Variants in SNTG2 observed in about 807,000 individuals in gnomAD.
The protein encoded by SNTG2 is gamma-2-syntrophin.
Under a neutral mutation model 70.9 loss-of-function variants are expected in SNTG2, and 74 were observed. The ratio of observed to expected loss-of-function variants is 1.04; its 90% CI spans 0.86 to 1.27. SNTG2 has a LOEUF of 1.27. Ranked by LOEUF, SNTG2 falls within the 50% of genes most tolerant of loss-of-function variation. The probability of loss-of-function intolerance (pLI) is 0.00; values close to 1 mark genes in which losing one functional copy is unlikely to be tolerated. For synonymous variants in SNTG2, 278 were observed against 273.8 expected (o/e 1.02, Z -0.15); for missense variants, 717 against 690.7 (o/e 1.04, Z -0.43).
At chr2:954,082 A>T (rs73908613) in intron 1 of SNTG2, among the ~76,000 whole-genome samples, 7 of 152,092 alleles carry the variant, frequency 4.6e-5, no homozygotes, top group African/African-American at 4.8e-5. Flanking sequence ...CTGTTAGCTC[A>T]TGTAGCATGT....
At chr2:1,328,003 GA>G (rs1681825662) in intron 16 of SNTG2, among the ~76,000 whole-genome samples, 1 of 152,168 alleles carries the variant, frequency 6.6e-6, no homozygotes, top group Non-Finnish European at 1.5e-5. Flanking sequence ...GAGGCCTCAG[GA>G]AACTTTTACT....
rs1681089905 is a variant in SNTG2 at position 1,313,112 on chromosome 2, T to C, written c.1378-3153T>C. Among the ~76,000 whole-genome samples the C allele has an allele frequency of 2.0e-5, 3 of 152,172 alleles. No individual in the cohort carries two copies. The South Asian group carries it at 6.2e-4, about 32-fold the overall frequency. On this transcript the variant is annotated intron_variant, in intron 15 of 16. Transcript: ENST00000308624. ...CAATCAGACTGTGTTGCAGAGGAAG[T>C]ATTACCTTCCATTGTCAGTATATTA...
intron 6 of SNTG2, chr2:1,163,406 G>A (rs1052319109): frequency 6.6e-6 from 1 of 150,638 alleles, no homozygotes; most frequent in African/African-American, 2.5e-5. Context: ...GTAGGAAGCG[G>A]GCCTGTGAAG....
chr2:1,236,850 A>G (rs866172764), intron 9 of SNTG2, among the ~76,000 whole-genome samples: 1 of 152,200 alleles, frequency 6.6e-6, no homozygotes, highest in African/African-American at 2.4e-5. Flanking sequence ...TTTTTAAAAA[A>G]ATATGTTTGC....
intron 6 of SNTG2, among the ~76,000 whole-genome samples, chr2:1,154,336 C>T (rs1304082324): frequency 6.6e-6 from 1 of 152,200 alleles, no homozygotes; most frequent in Non-Finnish European, 1.5e-5. Flanking sequence ...GCCTGTCCTT[C>T]CAGTTTTAAG....
chr2:1,282,337 T>A (rs1483508176), intron 14 of SNTG2, among the ~76,000 whole-genome samples: 3 of 152,248 alleles, frequency 2.0e-5, no homozygotes, highest in African/African-American at 4.8e-5. Flanking sequence ...CATTGTCTTG[T>A]GAGCCCTTAG....
intron 1 of SNTG2, among the ~76,000 whole-genome samples, chr2:953,672 C>T (rs1237444033): frequency 6.6e-6 from 1 of 152,198 alleles, no homozygotes; most frequent in Non-Finnish European, 1.5e-5. Flanking sequence ...CCATGCATTA[C>T]AAAGCAGGCA....
At chr2:1,180,763 G>A (rs1188689560) in intron 8 of SNTG2, among the ~76,000 whole-genome samples, 5 of 151,728 alleles carry the variant, frequency 3.3e-5, no homozygotes, top group Non-Finnish European at 4.4e-5. Flanking sequence ...AAAGACACAT[G>A]CACACGTATG....
At chr2:1,118,444 G>T (rs1667175691) in intron 4 of SNTG2, among the ~76,000 whole-genome samples, 2 of 152,142 alleles carry the variant, frequency 1.3e-5, no homozygotes, top group South Asian at 4.2e-4. Context: ...TGAAGAACCT[G>T]CACAGAGACT....
chr2:1,051,064 AC>A, intron 1 of SNTG2, among the ~76,000 whole-genome samples: 1 of 152,172 alleles, frequency 6.6e-6, no homozygotes, highest in East Asian at 1.9e-4. Context: ...ATGCGTAGAT[AC>A]TTTTGGATTA....
chr2:1,223,257 AGTGGTG>A (rs1675466326), intron 9 of SNTG2, among the ~76,000 whole-genome samples: 1 of 100,476 alleles, frequency 1.0e-5, no homozygotes. Flanking sequence ...TGTAGAGGAA[AGTGGTG>A]CAGTGATGGA....
intron 12 of SNTG2, among the ~76,000 whole-genome samples, chr2:1,254,191 C>T (rs370376384): frequency 4.6e-5 from 7 of 152,264 alleles, no homozygotes; most frequent in African/African-American, 1.4e-4. Flanking sequence ...AAAGCAGGTC[C>T]GTGTTTCACA....
At chr2:1,165,830 T>C (rs1007747465) in intron 7 of SNTG2, among the ~76,000 whole-genome samples, 195 bp downstream of exon 7, 3 of 152,234 alleles carry the variant, frequency 2.0e-5, no homozygotes, top group South Asian at 2.1e-4. Context: ...TCCACGGGCT[T>C]TTTTGAAGGA....
chr2:1,174,794 G>C (rs6705048), intron 8 of SNTG2, among the ~76,000 whole-genome samples: 29,901 of 152,044 alleles, frequency 0.2, 3,321 homozygotes, highest in African/African-American at 0.32. Flanking sequence ...TTTGTTTACT[G>C]TTTCTATTTG....
At chr2:1,323,532 A>C (rs1332475765) in intron 16 of SNTG2, among the ~76,000 whole-genome samples, 9 of 111,844 alleles carry the variant, frequency 8.0e-5, no homozygotes, top group Non-Finnish European at 1.6e-4. Context: ...GGACATGGGT[A>C]ACAGTCACAT....
intron 1 of SNTG2, among the ~76,000 whole-genome samples, chr2:1,066,332 A>C (rs903569564): frequency 2.6e-5 from 4 of 152,124 alleles, no homozygotes; most frequent in African/African-American, 4.8e-5. Flanking sequence ...AACTCATTCA[A>C]CTTTTGAAGC....
At position 1,367,396 on chromosome 2, in the gene SNTG2, A is replaced by G. The variant is rs924459473; in HGVS notation, c.1542A>G (p.Ile514Met). Reference protein sequence around the residue: ...RAVLHCIHSFIAAKVASVDPG... With the variant: ...RAVLHCIHSFMAAKVASVDPG... ...TCCTGCACTGCATCCACTCCTTCAT[A>G]GCAGCCAAGGTGGCCTCCGTGGACC... The change falls in exon 17 of 17, where the codon ATA becomes ATG. Residue 514 changes from isoleucine to methionine, a missense_variant. By Grantham distance (10) the Ile-to-Met change is conservative. Coordinates refer to ENST00000308624, the MANE Select transcript of SNTG2 (RefSeq NM_018968.4). 1.6e-5 allele frequency: 25 copies of G among 1,551,646 alleles called. No individual in the cohort carries two copies. In the Admixed American group the frequency reaches 4.7e-4, roughly 29 times the overall value.
intron 1 of SNTG2, among the ~76,000 whole-genome samples, chr2:1,038,260 G>T (rs2148051050): frequency 6.6e-6 from 1 of 152,258 alleles, no homozygotes; most frequent in South Asian, 2.1e-4. Flanking sequence ...GAAGATATCT[G>T]TGTATTATTT....
chr2:1,041,712 A>T (rs1286351974), intron 1 of SNTG2, among the ~76,000 whole-genome samples: 3 of 152,118 alleles, frequency 2.0e-5, no homozygotes, highest in African/African-American at 4.8e-5. Context: ...CCTCCCCAGA[A>T]GCCAAGCAAT....
Sources: allele counts gnomAD v4.1 joint callset (sites outside exome capture counted in the v4.1 genomes callset), GRCh38; gene constraint gnomAD v4.1.1; transcripts MANE v1.5; gene names NCBI Gene and HGNC (gene_info 2026-07-23, HGNC 2026-07-21).